Variants in NRG1 observed in about 807,000 individuals in gnomAD.
The protein encoded by NRG1 is pro-neuregulin-1, membrane-bound isoform.
In NRG1, 18 loss-of-function variants were observed where a neutral mutation model predicts 63.8. That is an observed-to-expected ratio of 0.28 (90% CI 0.19 to 0.42). The LOEUF (loss-of-function observed/expected upper bound fraction) is 0.42. Among genes scored for constraint, NRG1 ranks in the 10% least tolerant of loss-of-function variants. The pLI is 1.00. For missense variants in NRG1, 762 were observed against 814.7 expected (o/e 0.94, Z 0.79); for synonymous variants, 302 against 301.3 (o/e 1.00, Z -0.02).
chr8:32,026,372 AG>A (rs1222980245), intron 1 of NRG1: 2 of 152,004 alleles, frequency 1.3e-5, no homozygotes, highest in Non-Finnish European at 2.9e-5. Context: ...GTGGTAAAGT[AG>A]TTTTTTGCTT....
intron 1 of NRG1, among the ~76,000 whole-genome samples, chr8:32,492,686 C>T (rs1156683246): frequency 3.3e-5 from 5 of 152,126 alleles, no homozygotes; most frequent in South Asian, 2.1e-4. Context: ...TCTTGTTTTC[C>T]GTCCCTGTGT....
intron 1 of NRG1, among the ~76,000 whole-genome samples, chr8:32,467,938 A>C (rs1823282649): frequency 6.6e-6 from 1 of 152,188 alleles, no homozygotes; most frequent in Admixed American, 6.5e-5. Flanking sequence ...CCTCTTAGGT[A>C]CTTTGAAAAT....
intron 1 of NRG1, among the ~76,000 whole-genome samples, chr8:31,860,901 T>C (rs1388037676): frequency 6.6e-6 from 1 of 152,144 alleles, no homozygotes; most frequent in African/African-American, 2.4e-5. Context: ...AACAACAGTG[T>C]CGAATAGGGT....
intron 1 of NRG1, among the ~76,000 whole-genome samples, chr8:32,581,100 C>A (rs1270647925): frequency 6.6e-6 from 1 of 152,174 alleles, no homozygotes; most frequent in Non-Finnish European, 1.5e-5. Flanking sequence ...ACCAGAATGT[C>A]AACTCCAGGA....
At chr8:32,051,286 T>C (rs1821936188) in intron 1 of NRG1, among the ~76,000 whole-genome samples, 1 of 152,176 alleles carries the variant, frequency 6.6e-6, no homozygotes, top group African/African-American at 2.4e-5. Flanking sequence ...CTAGGTCCAG[T>C]GCATGCACTT....
intron 1 of NRG1, among the ~76,000 whole-genome samples, chr8:31,987,321 T>TGTGC (rs1810254163): frequency 7.9e-5 from 1 of 12,656 alleles, no homozygotes; most frequent in Non-Finnish European, 3.2e-4. Flanking sequence ...AACATATATA[T>TGTGC]GTGTGTGTGT....
intron 1 of NRG1, among the ~76,000 whole-genome samples, chr8:32,203,188 CTTTTTTTTTTTTTTT>C (rs11311144): frequency 1.6e-5 from 1 of 61,462 alleles, no homozygotes; most frequent in Non-Finnish European, 3.1e-5. Context: ...AGCAAGCCAG[CTTTTTTTTTTTTTTT>C]TTTTTTTTTT....
intron 1 of NRG1, among the ~76,000 whole-genome samples, chr8:31,783,603 C>CAAAAAAAA (rs772436543): frequency 2.7e-5 from 3 of 110,584 alleles, no homozygotes; most frequent in South Asian, 3.1e-4. Flanking sequence ...TGTTTTCAGG[C>CAAAAAAAA]AAAAAAAAAA....
intron 5 of NRG1, among the ~76,000 whole-genome samples, chr8:32,683,270 T>C (rs544268366): frequency 1.3e-5 from 2 of 152,324 alleles, no homozygotes; most frequent in African/African-American, 4.8e-5. Context: ...CTTGTGTTGA[T>C]GTAAATTGCC....
intron 1 of NRG1, among the ~76,000 whole-genome samples, chr8:32,351,490 G>A (rs1055315937): frequency 6.6e-6 from 1 of 152,092 alleles, no homozygotes; most frequent in Non-Finnish European, 1.5e-5. Context: ...AGAAAATCCT[G>A]CACTCTCTCC....
intron 1 of NRG1, among the ~76,000 whole-genome samples, chr8:32,023,138 A>G (rs1055094000): frequency 6.6e-6 from 1 of 152,226 alleles, no homozygotes; most frequent in African/African-American, 2.4e-5. Context: ...GGGAATCATT[A>G]GAGCTTGCAT....
chr8:31,975,052 T>C (rs1807932605), intron 1 of NRG1, among the ~76,000 whole-genome samples: 1 of 152,178 alleles, frequency 6.6e-6, no homozygotes, highest in South Asian at 2.1e-4. Context: ...ACTGTGTATG[T>C]CATCTTTTCT....
chr8:31,797,899 A>C (rs904468044), intron 1 of NRG1, among the ~76,000 whole-genome samples: 2 of 152,214 alleles, frequency 1.3e-5, no homozygotes, highest in African/African-American at 4.8e-5. Context: ...ATGAGTCTGG[A>C]GGGTATCATG....
intron 1 of NRG1, among the ~76,000 whole-genome samples, chr8:32,592,755 A>G (rs543872688): frequency 4.6e-5 from 7 of 152,178 alleles, no homozygotes; most frequent in African/African-American, 1.7e-4. Flanking sequence ...GTAAGGGGGG[A>G]AACATGGTCC....
chr8:32,669,340 G>T (rs1011470725), intron 5 of NRG1, among the ~76,000 whole-genome samples: 11 of 152,072 alleles, frequency 7.2e-5, no homozygotes, highest in Non-Finnish European at 1.3e-4. Flanking sequence ...AACATTTAGG[G>T]TTTTCGTTTT....
chr8:32,306,833 C>G (rs1173498933), intron 1 of NRG1, among the ~76,000 whole-genome samples: 1 of 152,136 alleles, frequency 6.6e-6, no homozygotes, highest in African/African-American at 2.4e-5. Context: ...AAAGAGGAGC[C>G]ATTCATCAAA....
intron 1 of NRG1, among the ~76,000 whole-genome samples, chr8:32,394,165 A>G (rs916616309): frequency 2.0e-5 from 3 of 152,140 alleles, no homozygotes; most frequent in Admixed American, 6.5e-5. Context: ...TCCTGCTTTA[A>G]TCTATATCTG....
At chr8:31,762,849 C>T (rs1268402213) in intron 1 of NRG1, among the ~76,000 whole-genome samples, 2 of 152,062 alleles carry the variant, frequency 1.3e-5, no homozygotes, top group Non-Finnish European at 2.9e-5. Context: ...TTTTATGAGG[C>T]TAGCATTACT....
At chr8:31,724,882 A>C (rs1813271805) in intron 1 of NRG1, among the ~76,000 whole-genome samples, 1 of 152,156 alleles carries the variant, frequency 6.6e-6, no homozygotes, top group Admixed American at 6.5e-5. Context: ...TGTAAAAGGC[A>C]AGAGAGAAAT....
Sources: gnomAD v4.1 joint callset for allele counts (sites outside exome capture counted in the v4.1 genomes callset) on GRCh38, gnomAD v4.1.1 for gene constraint, MANE v1.5 for transcripts, NCBI Gene and HGNC (gene_info 2026-07-23, HGNC 2026-07-21) for gene names.